NBEA: variants seen among roughly 807,000 people sequenced by gnomAD.
NBEA encodes lysosomal-trafficking regulator 2.
A neutral mutation model predicts 343.4 loss-of-function variants in NBEA; 44 were observed. The observed-to-expected ratio is 0.13, with a 90% CI of 0.10 to 0.16. The LOEUF (loss-of-function observed/expected upper bound fraction) is 0.16, where lower values mean the gene tolerates loss of function less well. Among genes scored for constraint, NBEA ranks in the 10% least tolerant of loss-of-function variants. The pLI is 1.00. For missense variants in NBEA, 2,555 were observed against 3,631.3 expected, an observed-to-expected ratio of 0.70 and a Z score of 7.62; for synonymous variants, 1,175 against 1,238.7, an observed-to-expected ratio of 0.95 and a Z score of 1.08.
At chr13:35,590,391 A>G (rs1344755331) in intron 46 of NBEA, among the ~76,000 whole-genome samples, 3 of 152,098 alleles carry the variant, frequency 2.0e-5, no homozygotes, top group Non-Finnish European at 4.4e-5. Context: ...TGTTAATCAG[A>G]TCTTTTTAAA....
chr13:35,070,956 C>T (rs1030783218), intron 10 of NBEA, 104 bp downstream of exon 10: 17 of 1,292,038 alleles, frequency 1.3e-5, no homozygotes, highest in South Asian at 2.7e-5. Flanking sequence ...TTGGGTTCTG[C>T]CCTTAAAGTG....
intron 1 of NBEA, among the ~76,000 whole-genome samples, chr13:34,975,069 G>A (rs2060120239): frequency 6.6e-6 from 1 of 152,156 alleles, no homozygotes; most frequent in Non-Finnish European, 1.5e-5. Flanking sequence ...AGGAGATTAA[G>A]TAACTTCCCT....
intron 6 of NBEA, among the ~76,000 whole-genome samples, chr13:35,052,316 G>A (rs1003425315): frequency 7.9e-5 from 12 of 151,876 alleles, no homozygotes; most frequent in Non-Finnish European, 1.2e-4. Flanking sequence ...TTTCCCAGCT[G>A]TACCACTTAA....
chr13:35,573,801 C>G (rs1378870983), intron 45 of NBEA, among the ~76,000 whole-genome samples: 1 of 152,152 alleles, frequency 6.6e-6, no homozygotes, highest in African/African-American at 2.4e-5. Flanking sequence ...GAAAAGAGAG[C>G]CTGCTTTATG....
chr13:35,599,896 T>C (rs1304354094), intron 47 of NBEA, among the ~76,000 whole-genome samples: 1 of 152,234 alleles, frequency 6.6e-6, no homozygotes, highest in Non-Finnish European at 1.5e-5. Flanking sequence ...CAAAATCTCA[T>C]GAGCAAGCAA....
intron 33 of NBEA, among the ~76,000 whole-genome samples, chr13:35,216,149 T>C (rs2074051196): frequency 6.6e-6 from 1 of 151,798 alleles, no homozygotes; most frequent in African/African-American, 2.4e-5. Context: ...CTGTGTTCAT[T>C]AATATTTTTA....
At chr13:35,034,089 T>C (rs1175307115) in intron 1 of NBEA, among the ~76,000 whole-genome samples, 1 of 151,656 alleles carries the variant, frequency 6.6e-6, no homozygotes, top group Admixed American at 6.6e-5. Flanking sequence ...TTCCAGATCT[T>C]AGAGAAATGA....
At chr13:35,537,688 G>A (rs368568239) in intron 41 of NBEA, among the ~76,000 whole-genome samples, 117 of 152,198 alleles carry the variant, frequency 7.7e-4, no homozygotes, top group Middle Eastern at 3.4e-3. Context: ...AGTGAACTTG[G>A]CAAATAGGGG....
At chr13:35,670,135 G>A (rs1035108009) in intron 58 of NBEA, among the ~76,000 whole-genome samples, 20 of 152,310 alleles carry the variant, frequency 1.3e-4, no homozygotes, top group African/African-American at 4.6e-4. Context: ...GTATTTATTG[G>A]ATGAGGTGTC....
intron 45 of NBEA, among the ~76,000 whole-genome samples, chr13:35,581,634 G>C (rs9565384): frequency 0.13 from 19,444 of 147,826 alleles, 1,364 homozygotes; most frequent in East Asian, 0.27. Context: ...ATCGCAAGGA[G>C]AAAAAACCAA....
intron 39 of NBEA, among the ~76,000 whole-genome samples, chr13:35,450,718 C>G (rs559419207): frequency 6.6e-6 from 1 of 152,260 alleles, no homozygotes; most frequent in African/African-American, 2.4e-5. Flanking sequence ...AGGAATATAT[C>G]CACCACCCCA....
chr13:35,423,062 G>A (rs1469782644), intron 38 of NBEA, among the ~76,000 whole-genome samples: 1 of 152,126 alleles, frequency 6.6e-6, no homozygotes, highest in African/African-American at 2.4e-5. Flanking sequence ...TTTGTCAGAT[G>A]AGTAGGTTGC....
At chr13:35,339,668 GAAAC>G (rs371744797) in intron 36 of NBEA, among the ~76,000 whole-genome samples, 9 of 152,140 alleles carry the variant, frequency 5.9e-5, no homozygotes, top group African/African-American at 9.6e-5. Flanking sequence ...GAGGCCTCAG[GAAAC>G]AAACAAACAA....
intron 34 of NBEA, among the ~76,000 whole-genome samples, chr13:35,282,018 T>C (rs1463983367): frequency 1.3e-5 from 2 of 151,660 alleles, no homozygotes; most frequent in African/African-American, 4.8e-5. Flanking sequence ...GTTCACTCCA[T>C]TCTCCTGCCT....
intron 40 of NBEA, among the ~76,000 whole-genome samples, chr13:35,454,623 G>A (rs1424564840): frequency 6.6e-6 from 1 of 152,062 alleles, no homozygotes; most frequent in Admixed American, 6.5e-5. Context: ...CACTTTGGGA[G>A]GCCGAGGTAG....
chr13:35,206,870 A>G (rs757563265), intron 31 of NBEA, among the ~76,000 whole-genome samples: 6 of 152,184 alleles, frequency 3.9e-5, no homozygotes, highest in Non-Finnish European at 7.4e-5. Flanking sequence ...CTTTTCTGCA[A>G]TGTCACACTA....
At chr13:35,213,566 TAACA>T (rs1386005595) in intron 33 of NBEA, among the ~76,000 whole-genome samples, 2 of 150,218 alleles carry the variant, frequency 1.3e-5, no homozygotes, top group Admixed American at 6.6e-5. Flanking sequence ...AATCTGTGAC[TAACA>T]AACTGTGATT....
At chr13:35,289,777 T>C (rs2035682687) in intron 34 of NBEA, among the ~76,000 whole-genome samples, 1 of 151,886 alleles carries the variant, frequency 6.6e-6, no homozygotes, top group Admixed American at 6.6e-5. Context: ...TAGACATTAT[T>C]GCAATCAGGT....
intron 41 of NBEA, among the ~76,000 whole-genome samples, chr13:35,531,529 A>T (rs1244387391): frequency 6.6e-6 from 1 of 152,164 alleles, no homozygotes; most frequent in African/African-American, 2.4e-5. Context: ...AAAAAAAATC[A>T]AATTCCTCAT....
Sources: allele counts gnomAD v4.1 joint callset (sites outside exome capture counted in the v4.1 genomes callset), GRCh38; gene constraint gnomAD v4.1.1; transcripts MANE v1.5; gene names NCBI Gene and HGNC (gene_info 2026-07-23, HGNC 2026-07-21).